ZFPM2: variants seen among roughly 807,000 people sequenced by gnomAD.
The protein encoded by ZFPM2 is zinc finger protein, FOG family member 2.
Under a neutral mutation model 98.6 loss-of-function variants are expected in ZFPM2, and 20 were observed. The ratio of observed to expected loss-of-function variants is 0.20; its 90% CI spans 0.14 to 0.29. The LOEUF is 0.29. Among genes scored for constraint, ZFPM2 ranks in the 10% least tolerant of loss-of-function variants. ZFPM2 has a pLI of 1.00. For missense variants in ZFPM2, 1,310 were observed against 1,388.6 expected (o/e 0.94, Z 0.90); for synonymous variants, 518 against 502.7 (o/e 1.03, Z -0.41).
intron 5 of ZFPM2, among the ~76,000 whole-genome samples, chr8:105,638,085 A>G (rs73295292): frequency 0.012 from 1,848 of 150,924 alleles, 25 homozygotes; most frequent in Middle Eastern, 0.031. Context: ...CTCTCTCTCT[A>G]TCGTCTGGCT....
chr8:105,396,142 T>C (rs1261954201), intron 1 of ZFPM2, among the ~76,000 whole-genome samples: 1 of 152,170 alleles, frequency 6.6e-6, no homozygotes, highest in Non-Finnish European at 1.5e-5. Flanking sequence ...TCAGAACCAG[T>C]GTGTATCAAG....
At chr8:105,786,531 C>A (rs946544577) in intron 5 of ZFPM2, among the ~76,000 whole-genome samples, 2 of 152,036 alleles carry the variant, frequency 1.3e-5, no homozygotes, top group Non-Finnish European at 2.9e-5. Flanking sequence ...TCCAATTTAG[C>A]CGTTTAGAAT....
intron 3 of ZFPM2, among the ~76,000 whole-genome samples, chr8:105,463,983 C>T (rs575894914): frequency 3.9e-5 from 6 of 152,186 alleles, no homozygotes; most frequent in Admixed American, 2.0e-4. Flanking sequence ...ATCCCCGCCT[C>T]CCCGCTAGGC....
chr8:105,630,780 G>T (rs1157726547), intron 4 of ZFPM2, among the ~76,000 whole-genome samples: 3 of 152,090 alleles, frequency 2.0e-5, no homozygotes, highest in East Asian at 1.9e-4. Flanking sequence ...AATCAAAAAA[G>T]ACCATTCAAG....
intron 5 of ZFPM2, among the ~76,000 whole-genome samples, chr8:105,773,114 C>G (rs1813018503): frequency 6.6e-6 from 1 of 152,162 alleles, no homozygotes. Flanking sequence ...TGGCTGACTT[C>G]AAGGAATGCA....
intron 4 of ZFPM2, among the ~76,000 whole-genome samples, chr8:105,567,498 A>G (rs191197476): frequency 2.6e-5 from 4 of 151,552 alleles, no homozygotes; most frequent in Non-Finnish European, 4.4e-5. Flanking sequence ...TTGATAGTGA[A>G]CATTTTGTGG....
intron 4 of ZFPM2, among the ~76,000 whole-genome samples, chr8:105,614,605 A>G (rs1816375193): frequency 6.6e-6 from 1 of 152,090 alleles, no homozygotes. Flanking sequence ...CTAATCTTGA[A>G]GCTACAGGCT....
intron 5 of ZFPM2, among the ~76,000 whole-genome samples, chr8:105,681,974 T>C (rs1486365168): frequency 1.3e-5 from 2 of 152,176 alleles, no homozygotes; most frequent in Admixed American, 1.3e-4. Flanking sequence ...ACGTGCCTGA[T>C]ACAGTGTAGC....
chr8:105,729,544 G>T (rs147170740), intron 5 of ZFPM2, among the ~76,000 whole-genome samples: 284 of 151,520 alleles, frequency 1.9e-3, no homozygotes, highest in African/African-American at 5.3e-3. Flanking sequence ...TGTTTTCTTT[G>T]TATTAAAGCC....
chr8:105,393,379 TTTC>T (rs1315504838), intron 1 of ZFPM2, among the ~76,000 whole-genome samples: 1 of 106,532 alleles, frequency 9.4e-6, no homozygotes, highest in African/African-American at 3.5e-5. Context: ...TCTTTCTTTC[TTTC>T]TTTCTTTCTT....
chr8:105,756,624 T>C (rs1223666417), intron 5 of ZFPM2, among the ~76,000 whole-genome samples: 2 of 152,210 alleles, frequency 1.3e-5, no homozygotes, highest in African/African-American at 4.8e-5. Flanking sequence ...ACATTTAGCC[T>C]GATTAATTCT....
intron 1 of ZFPM2, among the ~76,000 whole-genome samples, chr8:105,386,374 C>T (rs560345351): frequency 1.3e-5 from 2 of 152,162 alleles, no homozygotes; most frequent in South Asian, 4.2e-4. Flanking sequence ...GAGCACTGGC[C>T]ACACTAGTAA....
intron 3 of ZFPM2, among the ~76,000 whole-genome samples, chr8:105,503,442 A>C (rs1452359202): frequency 6.6e-6 from 1 of 152,230 alleles, no homozygotes; most frequent in Non-Finnish European, 1.5e-5. Context: ...GATAAGAATA[A>C]ATTTCCAAAC....
intron 5 of ZFPM2, chr8:105,678,967 T>G (rs1445714804): frequency 2.6e-5 from 4 of 152,220 alleles, no homozygotes; most frequent in African/African-American, 9.6e-5. Flanking sequence ...TGGCTGAGTT[T>G]GGAGTCACAT....
chr8:105,404,523 TA>T (rs1811403058), intron 1 of ZFPM2, among the ~76,000 whole-genome samples: 1 of 151,990 alleles, frequency 6.6e-6, no homozygotes, highest in African/African-American at 2.4e-5. Flanking sequence ...AATTTTTCTT[TA>T]TTTTTTTGTC....
chr8:105,328,934 T>C (rs760895738), intron 1 of ZFPM2, among the ~76,000 whole-genome samples: 1 of 151,836 alleles, frequency 6.6e-6, no homozygotes, highest in Non-Finnish European at 1.5e-5. Context: ...AACCTGGGAC[T>C]TGAGTGAATC....
intron 5 of ZFPM2, among the ~76,000 whole-genome samples, chr8:105,745,206 A>T (rs1274113968): frequency 1.3e-5 from 2 of 152,148 alleles, no homozygotes; most frequent in Non-Finnish European, 2.9e-5. Flanking sequence ...TCATCTAACC[A>T]GTACCTCACA....
At chr8:105,427,985 TG>T (rs1452868951) in intron 2 of ZFPM2, among the ~76,000 whole-genome samples, 1 of 152,236 alleles carries the variant, frequency 6.6e-6, no homozygotes, top group African/African-American at 2.4e-5. Flanking sequence ...CGGTAGATGC[TG>T]TTTTTGCCTG....
At chr8:105,791,939 C>T (rs555064404) in intron 6 of ZFPM2, among the ~76,000 whole-genome samples, 2 of 152,112 alleles carry the variant, frequency 1.3e-5, no homozygotes, top group African/African-American at 2.4e-5. Flanking sequence ...TGGTGATATC[C>T]CCTTTATCAT....
Sources: allele counts gnomAD v4.1 joint callset (sites outside exome capture counted in the v4.1 genomes callset), GRCh38; gene constraint gnomAD v4.1.1; transcripts MANE v1.5; gene names NCBI Gene and HGNC (gene_info 2026-07-23, HGNC 2026-07-21).